CHRM3: variants seen among roughly 807,000 people sequenced by gnomAD.
CHRM3 encodes cholinergic receptor muscarinic 3, also known as muscarinic acetylcholine receptor M3.
Under a neutral mutation model 41.8 loss-of-function variants are expected in CHRM3, and 11 were observed. The observed-to-expected ratio is 0.26, with a 90% CI of 0.17 to 0.44. CHRM3 has a LOEUF of 0.44. CHRM3 is among the 20% of genes least tolerant of loss of function. The probability of loss-of-function intolerance (pLI) is 1.00; values close to 1 mark genes in which losing one functional copy is unlikely to be tolerated. For synonymous variants in CHRM3, 297 were observed against 301.4 expected (o/e 0.99, Z 0.15); for missense variants, 571 against 745.4 (o/e 0.77, Z 2.72).
intron 1 of CHRM3, among the ~76,000 whole-genome samples, chr1:239,479,668 C>G (rs907557378): frequency 2.6e-5 from 4 of 152,154 alleles, no homozygotes; most frequent in African/African-American, 9.7e-5. Context: ...CAAACCTGTG[C>G]AGCATGTTAC....
intron 1 of CHRM3, among the ~76,000 whole-genome samples, chr1:239,417,974 T>A (rs1661635687): frequency 6.6e-6 from 1 of 152,224 alleles, no homozygotes; most frequent in Admixed American, 6.5e-5. Context: ...TGCTATGTCT[T>A]GATAAGAAAG....
At position 239,635,548 on chromosome 1, in the gene CHRM3, C is replaced by T. The variant is rs1670373057; in HGVS notation, c.-250+3262C>T. ...TGCCAAGACCTCTCCTAACCGCTCT[C>T]TAAATAACCACTGTCCTGGACACCC... On this transcript the variant is annotated intron_variant, in intron 4 of 6. Coordinates refer to ENST00000676153, the MANE Select transcript of CHRM3 (RefSeq NM_001375978.1). Among the ~76,000 whole-genome samples, 4 of 152,320 alleles carry T rather than the reference C, an allele frequency of 2.6e-5. No homozygotes were observed. In the South Asian group the frequency reaches 6.2e-4, roughly 24 times the overall value.
At chr1:239,738,253 C>T (rs116357620) in intron 5 of CHRM3, among the ~76,000 whole-genome samples, 92 of 152,306 alleles carry the variant, frequency 6.0e-4, no homozygotes, top group African/African-American at 2.1e-3. Context: ...GTCCTCCTCC[C>T]TGATAACCCC....
chr1:239,629,752 A>G (rs778592453), intron 3 of CHRM3, among the ~76,000 whole-genome samples: 31 of 152,216 alleles, frequency 2.0e-4, no homozygotes, highest in Non-Finnish European at 3.7e-4. Flanking sequence ...TATGGACATC[A>G]TAAATCAGAG....
At chr1:239,681,611 A>G (rs910105257) in intron 5 of CHRM3, among the ~76,000 whole-genome samples, 3 of 152,204 alleles carry the variant, frequency 2.0e-5, no homozygotes, top group African/African-American at 7.2e-5. Context: ...GTTATAAATT[A>G]GTCTGGGTAC....
chr1:239,567,620 G>A (rs762638293), intron 3 of CHRM3, among the ~76,000 whole-genome samples: 68 of 152,130 alleles, frequency 4.5e-4, no homozygotes, highest in Admixed American at 1.4e-3. Flanking sequence ...GAAAGGATTG[G>A]TCTGAAACCA....
intron 6 of CHRM3, among the ~76,000 whole-genome samples, chr1:239,905,120 A>G (rs1679869840): frequency 6.6e-6 from 1 of 152,166 alleles, no homozygotes; most frequent in Non-Finnish European, 1.5e-5. Flanking sequence ...CATCTTTGCC[A>G]TTGTTTCAGG....
At chr1:239,771,064 G>A (rs1188387222) in intron 5 of CHRM3, among the ~76,000 whole-genome samples, 1 of 151,100 alleles carries the variant, frequency 6.6e-6, no homozygotes, top group Admixed American at 6.6e-5. Context: ...CTCCAGCCTG[G>A]GCAACACAGC....
chr1:239,488,903 T>C (rs1667373293), intron 1 of CHRM3, among the ~76,000 whole-genome samples: 1 of 152,128 alleles, frequency 6.6e-6, no homozygotes, highest in African/African-American at 2.4e-5. Context: ...ATAAGAATTG[T>C]TGAGAAACTA....
At chr1:239,825,442 T>G (rs1267298871) in intron 5 of CHRM3, among the ~76,000 whole-genome samples, 1 of 152,232 alleles carries the variant, frequency 6.6e-6, no homozygotes, top group African/African-American at 2.4e-5. Context: ...AAGTTCTCAC[T>G]TGACTTCAGT....
At chr1:239,864,187 G>A (rs1439215961) in intron 6 of CHRM3, among the ~76,000 whole-genome samples, 5 of 151,732 alleles carry the variant, frequency 3.3e-5, no homozygotes, top group African/African-American at 1.2e-4. Context: ...GCGAGACCCT[G>A]CCCCCCCACC....
At chr1:239,473,849 C>T (rs1666295649) in intron 1 of CHRM3, among the ~76,000 whole-genome samples, 1 of 149,964 alleles carries the variant, frequency 6.7e-6, no homozygotes. Context: ...TTTCTGTATA[C>T]ACAGAGTTGT....
At chr1:239,556,195 T>C (rs569110683) in intron 3 of CHRM3, among the ~76,000 whole-genome samples, 8 of 152,210 alleles carry the variant, frequency 5.3e-5, no homozygotes, top group Non-Finnish European at 1.2e-4. Flanking sequence ...TGTTAGGTTC[T>C]CTGAATACAT....
chr1:239,712,771 A>G (rs1476681769), intron 5 of CHRM3, among the ~76,000 whole-genome samples: 4 of 152,188 alleles, frequency 2.6e-5, no homozygotes, highest in African/African-American at 7.2e-5. Context: ...ATGTTTCATC[A>G]TGGACAAATA....
intron 4 of CHRM3, among the ~76,000 whole-genome samples, chr1:239,653,018 A>G (rs569225981): frequency 6.6e-6 from 1 of 152,332 alleles, no homozygotes; most frequent in East Asian, 1.9e-4. Context: ...TGGCCCTTGG[A>G]CAGTGTTAAT....
chr1:239,562,148 G>A (rs1660915510), intron 3 of CHRM3, among the ~76,000 whole-genome samples: 1 of 152,108 alleles, frequency 6.6e-6, no homozygotes, highest in South Asian at 2.1e-4. Context: ...TTTCTCGACA[G>A]CAACCACAAT....
intron 3 of CHRM3, among the ~76,000 whole-genome samples, chr1:239,561,800 C>T (rs1029605169): frequency 1.3e-5 from 2 of 151,966 alleles, no homozygotes; most frequent in African/African-American, 2.4e-5. Flanking sequence ...CTTCTCAGAA[C>T]CTAGAAATGT....
At chr1:239,865,109 C>T (rs1299020432) in intron 6 of CHRM3, among the ~76,000 whole-genome samples, 1 of 152,142 alleles carries the variant, frequency 6.6e-6, no homozygotes, top group Admixed American at 6.5e-5. Context: ...AATTATAGTC[C>T]ATTCACACCA....
At chr1:239,498,645 A>C (rs767509683) in intron 2 of CHRM3, among the ~76,000 whole-genome samples, 2 of 152,182 alleles carry the variant, frequency 1.3e-5, no homozygotes, top group African/African-American at 4.8e-5. Context: ...TAAATTGTTC[A>C]TCAGTGCTGT....
Sources: gnomAD v4.1 joint callset for allele counts (sites outside exome capture counted in the v4.1 genomes callset) on GRCh38, gnomAD v4.1.1 for gene constraint, MANE v1.5 for transcripts, NCBI Gene and HGNC (gene_info 2026-07-23, HGNC 2026-07-21) for gene names.